Variants in DLG2 observed in about 807,000 individuals in gnomAD.
DLG2 encodes the protein disks large homolog 2.
In DLG2, 45 loss-of-function variants were observed where a neutral mutation model predicts 132.5. That is an observed-to-expected ratio of 0.34 (90% CI 0.27 to 0.44). The LOEUF (loss-of-function observed/expected upper bound fraction) is 0.44, where lower values mean the gene tolerates loss of function less well. Ranked by LOEUF, DLG2 falls within the 20% of genes least tolerant of loss-of-function variation. DLG2 has a pLI of 1.00. For missense variants in DLG2, 1,045 were observed against 1,196.9 expected (o/e 0.87, Z 1.87); for synonymous variants, 424 against 419.6 (o/e 1.01, Z -0.13).
chr11:85,147,414 A>G (rs2076940774), intron 5 of DLG2, among the ~76,000 whole-genome samples: 1 of 152,078 alleles, frequency 6.6e-6, no homozygotes, highest in Non-Finnish European at 1.5e-5. Flanking sequence ...CTCTTTTTAT[A>G]TACCTGTTGG....
chr11:83,651,162 G>T (rs2070233728), intron 18 of DLG2, among the ~76,000 whole-genome samples: 1 of 152,064 alleles, frequency 6.6e-6, no homozygotes, highest in Non-Finnish European at 1.5e-5. Flanking sequence ...GTACAAGTAA[G>T]TACCTAGTAC....
At chr11:84,243,021 A>G (rs60432324) in intron 8 of DLG2, among the ~76,000 whole-genome samples, 1 of 86,048 alleles carries the variant, frequency 1.2e-5, no homozygotes, top group East Asian at 4.0e-4. Flanking sequence ...CTCTCTCTAT[A>G]TATATATATA....
At chr11:84,881,447 T>C (rs1227051107) in intron 6 of DLG2, among the ~76,000 whole-genome samples, 1 of 152,126 alleles carries the variant, frequency 6.6e-6, no homozygotes, top group Non-Finnish European at 1.5e-5. Context: ...GAATCCCAGA[T>C]AAATAACATG....
At position 84,491,708 on chromosome 11, in the gene DLG2, TC is replaced by T. The variant is rs1204532974; in HGVS notation, c.519+42861del. ...CTGCTCATAGCTGATAGTGCCTACC[TC>T]AAAGTTCTAAACACATTTCCAACTT... On this transcript the variant is annotated intron_variant, in intron 7 of 27. Coordinates refer to ENST00000376104, the MANE Select transcript of DLG2 (RefSeq NM_001142699.3). Among the ~76,000 whole-genome samples, 4 of 152,298 alleles carry T rather than the reference TC, an allele frequency of 2.6e-5. No individual in the cohort carries two copies. In the East Asian group the frequency reaches 7.7e-4, roughly 29 times the overall value.
chr11:84,312,479 CACAA>C (rs2098297689), intron 7 of DLG2, among the ~76,000 whole-genome samples: 1 of 152,066 alleles, frequency 6.6e-6, no homozygotes, highest in Non-Finnish European at 1.5e-5. Flanking sequence ...TCTCAAAACA[CACAA>C]ACAAACGAAC....
intron 8 of DLG2, among the ~76,000 whole-genome samples, chr11:84,240,362 C>A (rs1166579898): frequency 6.6e-6 from 1 of 152,184 alleles, no homozygotes; most frequent in African/African-American, 2.4e-5. Flanking sequence ...TTATTTTGGT[C>A]TCTGTTATAT....
At chr11:84,839,798 T>C (rs2154006373) in intron 6 of DLG2, among the ~76,000 whole-genome samples, 1 of 152,268 alleles carries the variant, frequency 6.6e-6, no homozygotes, top group Admixed American at 6.5e-5. Context: ...TGTAGAAAGC[T>C]GAAACTGGAT....
intron 4 of DLG2, among the ~76,000 whole-genome samples, chr11:85,200,265 C>T (rs917031590): frequency 4.6e-5 from 7 of 152,168 alleles, no homozygotes; most frequent in Admixed American, 4.6e-4. Context: ...TAGCCTGCTA[C>T]CAAAACCATC....
intron 17 of DLG2, among the ~76,000 whole-genome samples, chr11:83,789,547 T>A (rs529529696): frequency 4.2e-4 from 64 of 151,512 alleles, no homozygotes; most frequent in African/African-American, 1.5e-3. Context: ...AACAAACTGA[T>A]GACTTTTTTT....
intron 6 of DLG2, among the ~76,000 whole-genome samples, chr11:84,837,003 C>T (rs1476934253): frequency 3.7e-4 from 56 of 151,872 alleles, no homozygotes; most frequent in Non-Finnish European, 8.8e-5. Context: ...AATGCTATCC[C>T]TCCCGCCTCT....
At chr11:84,323,670 C>T (rs2098416593) in intron 7 of DLG2, among the ~76,000 whole-genome samples, 1 of 150,528 alleles carries the variant, frequency 6.6e-6, no homozygotes, top group Non-Finnish European at 1.5e-5. Context: ...ATGCACAGGA[C>T]TTCCAATTTC....
chr11:84,971,859 G>A (rs1344492670), intron 6 of DLG2, among the ~76,000 whole-genome samples: 3 of 152,060 alleles, frequency 2.0e-5, no homozygotes, highest in Non-Finnish European at 4.4e-5. Flanking sequence ...AAATGTAGGC[G>A]AGACACTAAA....
intron 7 of DLG2, among the ~76,000 whole-genome samples, chr11:84,505,717 T>TA (rs1316779749): frequency 1.3e-5 from 2 of 152,100 alleles, no homozygotes; most frequent in Admixed American, 6.6e-5. Flanking sequence ...GTAGCAATAG[T>TA]AAAAAGAAAT....
intron 3 of DLG2, among the ~76,000 whole-genome samples, chr11:85,591,513 G>A (rs989736821): frequency 6.6e-6 from 1 of 152,310 alleles, no homozygotes; most frequent in East Asian, 1.9e-4. Context: ...GGCCAAGGCA[G>A]GCAAATCACA....
rs565462770 is a variant in DLG2, at chr11:84,580,278, A to C, written c.358-45547T>G. Among the ~76,000 whole-genome samples the C allele has an allele frequency of 3.9e-5, 6 of 152,360 alleles. No individual in the cohort carries two copies. The South Asian group carries it at 1.2e-3, about 32-fold the overall frequency. ...TTAAGATATGGAGAAAATGTATATT[A>C]AAACAAATATAAATAATCTAAGGCC... On this transcript the variant is annotated intron_variant, in intron 6 of 27. Transcript: ENST00000376104.
intron 3 of DLG2, among the ~76,000 whole-genome samples, chr11:85,520,472 C>A (rs1021389121): frequency 6.7e-6 from 1 of 150,260 alleles, no homozygotes; most frequent in Non-Finnish European, 1.5e-5. Flanking sequence ...CAATGGTATT[C>A]TTCACAGAAA....
chr11:83,474,921 C>T (rs780079259), intron 22 of DLG2, among the ~76,000 whole-genome samples: 25 of 152,082 alleles, frequency 1.6e-4, no homozygotes, highest in Non-Finnish European at 3.1e-4. Context: ...TGTATGATTG[C>T]GATTCAGACA....
At chr11:84,922,624 A>G (rs2092806445) in intron 6 of DLG2, among the ~76,000 whole-genome samples, 1 of 152,170 alleles carries the variant, frequency 6.6e-6, no homozygotes, top group African/African-American at 2.4e-5. Flanking sequence ...GGTATCCCAC[A>G]GAGCACATCT....
At chr11:83,624,422 C>T (rs1005805445) in intron 19 of DLG2, among the ~76,000 whole-genome samples, 2 of 152,226 alleles carry the variant, frequency 1.3e-5, no homozygotes, top group African/African-American at 4.8e-5. Context: ...ATAAAATTAG[C>T]TGCCTAAAGA....
Sources: allele counts gnomAD v4.1 joint callset (sites outside exome capture counted in the v4.1 genomes callset), GRCh38; gene constraint gnomAD v4.1.1; transcripts MANE v1.5; gene names NCBI Gene and HGNC (gene_info 2026-07-23, HGNC 2026-07-21).